The following PLEKHN1 variants were observed in gnomAD, a reference collection of about 807,000 sequenced individuals.
PLEKHN1 encodes the protein pleckstrin homology domain containing N1, also known as pleckstrin homology domain-containing family N member 1.
In PLEKHN1, 68 loss-of-function variants were observed where a neutral mutation model predicts 72.8. The observed-to-expected ratio is 0.93, with a 90% CI of 0.77 to 1.14. The LOEUF (loss-of-function observed/expected upper bound fraction) is 1.14, where lower values mean the gene tolerates loss of function less well. Among genes scored for constraint, PLEKHN1 ranks in the 50% most tolerant of loss-of-function variants. The probability of loss-of-function intolerance (pLI) is 0.00; values close to 1 mark genes in which losing one functional copy is unlikely to be tolerated. For missense variants in PLEKHN1, 1,015 were observed against 840.5 expected (o/e 1.21, Z -2.57); for synonymous variants, 454 against 371.6 (o/e 1.22, Z -2.55).
In PLEKHN1 at chr1:970,211, T is replaced by G. The variant is rs571968495; in HGVS notation, c.184-66T>G. ...ACCATGCTATAGTCCTGTAGCTGTG[T>G]GGATGCGAGCGGAGGGGGTGGGGGG... On this transcript the variant is annotated intron_variant, in intron 2 of 15. Coordinates refer to ENST00000379410, the MANE Select transcript of PLEKHN1 (RefSeq NM_032129.3). This position sits in a 1 kb window ranked among gnomAD's most constrained non-coding sequence, Gnocchi z 4.2. 2 of 1,544,554 alleles carry G rather than the reference T, an allele frequency of 1.3e-6. No individual in the cohort carries two copies. Among genetic ancestry groups the G allele is most frequent in the East Asian group, 2.3e-5 (1 of 43,696 alleles).
At position 973,549 on chromosome 1, in the gene PLEKHN1, C is replaced by T. The variant is rs142080242; in HGVS notation, c.1343C>T (p.Ser448Leu). The T allele has an allele frequency of 4.2e-3, 6,809 of 1,613,324 alleles. 29 individuals carry two copies. Among genetic ancestry groups the T allele is most frequent in the Non-Finnish European group, 4.8e-3 (5,690 of 1,179,962 alleles). The change falls in exon 13 of 16, where the codon TCG becomes TTG. Residue 448 changes from serine to leucine, a missense_variant. Physicochemically the swap from Ser to Leu is moderately radical, Grantham distance 145. Coordinates refer to ENST00000379410, the MANE Select transcript of PLEKHN1 (RefSeq NM_032129.3). ...AGCCCAGATGCCCCTGACCACACTT[C>T]GGAAACATCACACTCGCCCCTCTAT... Reference protein sequence around the residue: ...ESSPDAPDHTSETSHSPLYAD... With the variant: ...ESSPDAPDHTLETSHSPLYAD...
intron 2 of PLEKHN1, among the ~76,000 whole-genome samples, chr1:969,664 A>C (rs1643192706): frequency 1.0e-5 from 1 of 99,652 alleles, no homozygotes; most frequent in Non-Finnish European, 2.6e-5. Context: ...GTATCCATGC[A>C]TATGTGTGCG....
At position 971,214 on chromosome 1, in the gene PLEKHN1, T is replaced by C. The variant is rs1224009650; in HGVS notation, c.708+6T>C. ...TGCAGCACCTGCCCGCACAGGTGGGTGGGAGGTGCGTGGGGCTGTAGGGGG... is the reference window on the plus strand; with the variant it reads ...TGCAGCACCTGCCCGCACAGGTGGGCGGGAGGTGCGTGGGGCTGTAGGGGG... On this transcript the variant is annotated splice_donor_region_variant and intron_variant, in intron 7 of 15. Transcript: ENST00000379410. The C allele has an allele frequency of 1.3e-6, 2 of 1,570,522 alleles. No individual in the cohort carries two copies. Among genetic ancestry groups the C allele is most frequent in the Admixed American group, 3.7e-5 (2 of 53,984 alleles).
chr1:967,369 C>G (rs113967711), intron 2 of PLEKHN1, among the ~76,000 whole-genome samples: 15,374 of 83,394 alleles, frequency 0.18, 1,151 homozygotes, highest in African/African-American at 0.29. Context: ...AGACCACCCC[C>G]ATGCCCACCC....
rs1265070093 is a variant in PLEKHN1, at chr1:973,847, G to A, written c.1449G>A (p.Met483Ile). The A allele has an allele frequency of 7.5e-6, 12 of 1,609,990 alleles. No homozygotes were observed. The highest frequency in any genetic ancestry group is 3.3e-5 in the South Asian group (3 of 90,964). The change falls in exon 14 of 16, where the codon ATG (methionine) becomes ATA (isoleucine). Residue 483 changes from methionine to isoleucine, a missense_variant. Coordinates refer to ENST00000379410, the MANE Select transcript of PLEKHN1 (RefSeq NM_032129.3). ...VRGLEEFLSA[M>I]QSARGPTPSS... ...TCTCCCTGCAGTTCCTCAGTGCCAT[G>A]CAGAGTGCACGTGGACCCACGCCCT...
chr1:967,429 C>G (rs1192597138), intron 2 of PLEKHN1, among the ~76,000 whole-genome samples: 2 of 151,950 alleles, frequency 1.3e-5, no homozygotes, highest in African/African-American at 2.4e-5. Context: ...AGATCCCAGC[C>G]CCTTTCAGAT....
chr1:971,894 G>A (rs771316645), intron 8 of PLEKHN1, among the ~76,000 whole-genome samples, 181 bp from the exon 9 acceptor site: 9 of 152,220 alleles, frequency 5.9e-5, no homozygotes, highest in Non-Finnish European at 1.0e-4. Flanking sequence ...AGGCCCCCGC[G>A]CCAGGGTTGG....
chr1:969,675 T>C (rs28498852), intron 2 of PLEKHN1, among the ~76,000 whole-genome samples: 4 of 152,092 alleles, frequency 2.6e-5, no homozygotes, highest in Admixed American at 6.5e-5. Flanking sequence ...TATGTGTGCG[T>C]GTGTGTACAT....
chr1:968,818 G>C (rs986610592), intron 2 of PLEKHN1, among the ~76,000 whole-genome samples: 1 of 152,222 alleles, frequency 6.6e-6, no homozygotes, highest in South Asian at 2.1e-4. Flanking sequence ...AGCAGGAACA[G>C]AACATGCAGC....
rs754470359 is a variant in PLEKHN1, at chr1:970,747, T to G, written c.473T>G (p.Phe158Cys). ...CPLEGSREHA[F>C]QITGPLPAPL... ...CTCGAGGGGTCCCGAGAGCACGCCT[T>G]CCAGATCACAGGTGTTTGGGATGCT... Residue 158 changes from phenylalanine to cysteine, a missense_variant, in exon 5 of 16, where the codon TTC becomes TGC. Coordinates refer to ENST00000379410, the MANE Select transcript of PLEKHN1 (RefSeq NM_032129.3). This position sits in a 1 kb window ranked among gnomAD's most constrained non-coding sequence, Gnocchi z 4.2. The G allele has an allele frequency of 1.9e-6, 3 of 1,611,096 alleles. No individual in the cohort carries two copies. The African/African-American group carries it at 4.0e-5, about 22-fold the overall frequency.
chr1:966,764 C>T lies in PLEKHN1; in HGVS notation c.144C>T (p.Asp48=), dbSNP rs1184169289. ...GCCCCGAGGCTGCTCGAAGCGGGGA[C>T]GCCGCCGCCAACAAGCTCTTCCACT... ...LPGPEAARSG[D]AAANKLFHYI... The change falls in exon 2 of 16, where the codon GAC becomes GAT. Residue 48 remains aspartate (D), a synonymous_variant. Transcript: ENST00000379410. 8 of 1,572,254 alleles carry T rather than the reference C, an allele frequency of 5.1e-6. No individual in the cohort carries two copies. The highest frequency in any genetic ancestry group is 4.6e-5 in the South Asian group (4 of 86,496).
chr1:974,338 C>G lies in PLEKHN1; in HGVS notation c.1676C>G (p.Ser559Trp), dbSNP rs756339803. The G allele has an allele frequency of 6.2e-7, 1 of 1,612,918 alleles. No homozygotes were observed. The highest frequency in any genetic ancestry group is 1.7e-5 in the Admixed American group (1 of 60,032). Reference sequence around the variant, plus strand: ...CAGGTCTCCTCTGCCAGGGAAGGTTCGCCCGAACCCTGGCTGCCTCTGACA... The same window carrying G: ...CAGGTCTCCTCTGCCAGGGAAGGTTGGCCCGAACCCTGGCTGCCTCTGACA... ...PQLVSSAREG[S>W]PEPWLPLTDG... Residue 559 changes from serine (S) to tryptophan (W), a missense_variant, in exon 15 of 16, where the codon TCG becomes TGG. By Grantham distance (177) the Ser-to-Trp change is radical. Transcript: ENST00000379410.
At position 974,947 on chromosome 1, in the gene PLEKHN1, G is replaced by C. The variant is rs964798643; in HGVS notation, c.*372G>C. Reference sequence around the variant, plus strand: ...GGACAGAGAAAGGTCAGCAGGGTCAGAGTATGTGAGGTCAGAGGGCATGAG... The same window carrying C: ...GGACAGAGAAAGGTCAGCAGGGTCACAGTATGTGAGGTCAGAGGGCATGAG... On this transcript the variant is annotated 3_prime_UTR_variant, in exon 16 of 16. Coordinates refer to ENST00000379410, the MANE Select transcript of PLEKHN1 (RefSeq NM_032129.3). 1 of 276,262 alleles carries C rather than the reference G, an allele frequency of 3.6e-6. No homozygotes were observed. The highest frequency in any genetic ancestry group is 7.0e-6 in the Non-Finnish European group (1 of 142,286). 17.1% of individuals were successfully genotyped at this position (276,262 alleles called of 1,614,324 possible).
rs773429291 is a variant in PLEKHN1 at position 972,279 on chromosome 1, G to A, written c.866-9G>A. On this transcript the variant is annotated splice_polypyrimidine_tract_variant and intron_variant, in intron 9 of 15. Transcript: ENST00000379410. ...CCCCCGCCAGCCCCTCACAGCATCT[G>A]TATGCCAGGCCCCCTCATCAACACC... 1.2e-6 allele frequency: 2 copies of A among 1,609,734 alleles called. No individual in the cohort carries two copies. The highest frequency in any genetic ancestry group is 1.3e-5 in the African/African-American group (1 of 74,882).
chr1:973,404 T>C, intron 12 of PLEKHN1, 78 bp downstream of exon 12: 8 of 1,563,548 alleles, frequency 5.1e-6, no homozygotes, highest in Non-Finnish European at 6.9e-6. Context: ...CTGGGCCCAG[T>C]TGTCCTGGAG....
At chr1:974,141 G>T in intron 14 of PLEKHN1, 90 bp downstream of exon 14, 1 of 1,488,586 alleles carries the variant, frequency 6.7e-7, no homozygotes. Flanking sequence ...AGGGAGCAGG[G>T]AGGGAAACAG....
At chr1:974,158 G>C in intron 14 of PLEKHN1, 107 bp downstream of exon 14, 3 of 1,480,516 alleles carry the variant, frequency 2.0e-6, no homozygotes, top group East Asian at 2.4e-5. Context: ...ACAGGAGGAC[G>C]GGGGCAGATG....
intron 8 of PLEKHN1, 51 bp downstream of exon 8, chr1:971,455 G>T: frequency 6.7e-7 from 1 of 1,487,590 alleles, no homozygotes. Context: ...CTGTGTGGGG[G>T]TGGGAGGGGG....
chr1:970,932 C>G lies in PLEKHN1; in HGVS notation c.538C>G (p.Arg180Gly), dbSNP rs201987388. The part of the protein sequence containing the change: ...VLCPSRAELD[R>G]WLYHLEKQTA... ...CTGCCCCAGCCGGGCCGAGCTGGAC[C>G]GCTGGCTTTACCACCTGGAGAAGCA... The change falls in exon 6 of 16, where the codon CGC (arginine) becomes GGC (glycine). Residue 180 changes from arginine (R) to glycine (G), a missense_variant. Coordinates refer to ENST00000379410, the MANE Select transcript of PLEKHN1 (RefSeq NM_032129.3). This position sits in a 1 kb window ranked among gnomAD's most constrained non-coding sequence, Gnocchi z 4.2. The G allele has an allele frequency of 1.2e-6, 2 of 1,610,384 alleles. No individual in the cohort carries two copies. Among genetic ancestry groups the G allele is most frequent in the Non-Finnish European group, 1.7e-6 (2 of 1,179,566 alleles).
Sources: gnomAD v4.1 joint callset for allele counts (sites outside exome capture counted in the v4.1 genomes callset) on GRCh38, gnomAD v4.1.1 for gene constraint, Gnocchi (gnomAD v3.1) non-coding constraint, MANE v1.5 for transcripts, NCBI Gene and HGNC (gene_info 2026-07-23, HGNC 2026-07-21) for gene names.